Variants in GPM6A observed in about 807,000 individuals in gnomAD.
GPM6A encodes the protein glycoprotein M6A.
Under a neutral mutation model 32.1 loss-of-function variants are expected in GPM6A, and 7 were observed. The observed-to-expected ratio is 0.22, with a 90% CI of 0.12 to 0.41. GPM6A has a LOEUF of 0.41. GPM6A is among the 10% of genes least tolerant of loss of function. GPM6A has a pLI of 1.00. For synonymous variants in GPM6A, 130 were observed against 123.4 expected, an observed-to-expected ratio of 1.05 and a Z score of -0.35; for missense variants, 235 against 347.2, an observed-to-expected ratio of 0.68 and a Z score of 2.57.
chr4:175,825,868 C>T (rs145151060), intron 1 of GPM6A, among the ~76,000 whole-genome samples: 218 of 152,124 alleles, frequency 1.4e-3, no homozygotes, highest in African/African-American at 4.8e-3. Context: ...TGAAGAGATT[C>T]GCAAACTTTT....
intron 1 of GPM6A, among the ~76,000 whole-genome samples, chr4:175,802,742 C>T (rs1279899681): frequency 1.3e-5 from 2 of 151,998 alleles, no homozygotes; most frequent in Admixed American, 1.3e-4. Flanking sequence ...TAAATTTTAA[C>T]AGCGTATTAT....
intron 1 of GPM6A, among the ~76,000 whole-genome samples, chr4:175,947,872 A>G (rs775190602): frequency 6.6e-6 from 1 of 152,182 alleles, no homozygotes; most frequent in Non-Finnish European, 1.5e-5. Context: ...ATCATATTCT[A>G]GATTTTTTAG....
intron 3 of GPM6A, among the ~76,000 whole-genome samples, chr4:175,654,756 C>A (rs1182999644): frequency 1.3e-5 from 2 of 152,026 alleles, no homozygotes; most frequent in Admixed American, 6.6e-5. Context: ...TTTTTATTAA[C>A]ATTTTCATTA....
intron 1 of GPM6A, among the ~76,000 whole-genome samples, chr4:175,931,691 C>T (rs1488895544): frequency 6.8e-6 from 1 of 147,984 alleles, no homozygotes; most frequent in Non-Finnish European, 1.5e-5. Context: ...CACACACACA[C>T]ACACACACAC....
intron 1 of GPM6A, among the ~76,000 whole-genome samples, chr4:175,776,719 C>T (rs1733411410): frequency 6.6e-6 from 1 of 152,192 alleles, no homozygotes; most frequent in Admixed American, 6.5e-5. Context: ...TTCAATTTCA[C>T]ACTTACACAT....
At chr4:175,949,900 A>G (rs1739747347) in intron 1 of GPM6A, among the ~76,000 whole-genome samples, 1 of 152,220 alleles carries the variant, frequency 6.6e-6, no homozygotes, top group South Asian at 2.1e-4. Context: ...GAAAATAAAC[A>G]CTGTAGCCTT....
At chr4:175,901,721 A>G (rs2111492174) in intron 1 of GPM6A, among the ~76,000 whole-genome samples, 1 of 136,418 alleles carries the variant, frequency 7.3e-6, no homozygotes, top group East Asian at 2.1e-4. Context: ...CCGCCTCCTC[A>G]GTTCAAGCAA....
At chr4:175,677,939 A>G (rs1205776515) in intron 2 of GPM6A, among the ~76,000 whole-genome samples, 7 of 152,344 alleles carry the variant, frequency 4.6e-5, no homozygotes, top group Admixed American at 4.6e-4. Flanking sequence ...AGCCTAAGTC[A>G]GTCACATGAT....
At position 175,775,479 on chromosome 4, in the gene GPM6A, G is replaced by A. The variant is rs114280544; in HGVS notation, c.37+36712C>T. On this transcript the variant is annotated intron_variant, in intron 1 of 6. Coordinates refer to ENST00000393658, the MANE Select transcript of GPM6A (RefSeq NM_201591.3). The stretch of plus-strand genomic sequence containing the variant: ...ATTCAGAATTTCACTAAAAACCCTA[G>A]ATTTTTCCATTAACTCAAATGTTGT... Among the ~76,000 whole-genome samples the A allele has an allele frequency of 2.5e-3, 385 of 152,104 alleles. 2 individuals are homozygous for A. The highest frequency in any genetic ancestry group is 8.8e-3 in the African/African-American group (367 of 41,518).
At chr4:175,847,324 G>C (rs1212076440) in intron 1 of GPM6A, among the ~76,000 whole-genome samples, 1 of 152,100 alleles carries the variant, frequency 6.6e-6, no homozygotes, top group Admixed American at 6.6e-5. Flanking sequence ...CTGTGACCCA[G>C]GGTCAACCGC....
At chr4:175,757,425 C>T (rs1161871735) in intron 1 of GPM6A, among the ~76,000 whole-genome samples, 2 of 152,104 alleles carry the variant, frequency 1.3e-5, no homozygotes, top group Non-Finnish European at 2.9e-5. Flanking sequence ...CTCCCAAATT[C>T]CCGGCCCACA....
intron 1 of GPM6A, among the ~76,000 whole-genome samples, chr4:175,988,797 G>A (rs542778088): frequency 6.6e-6 from 1 of 152,310 alleles, no homozygotes; most frequent in Non-Finnish European, 1.5e-5. Flanking sequence ...CCAGCCAAGA[G>A]CCTAATTGGC....
At chr4:175,916,460 G>T (rs1020530706) in intron 1 of GPM6A, among the ~76,000 whole-genome samples, 1 of 152,034 alleles carries the variant, frequency 6.6e-6, no homozygotes, top group African/African-American at 2.4e-5. Flanking sequence ...TAGAATTTTG[G>T]TTTTTCTTTT....
intron 1 of GPM6A, among the ~76,000 whole-genome samples, chr4:175,829,597 A>C (rs910556634): frequency 2.7e-5 from 4 of 150,054 alleles, no homozygotes; most frequent in African/African-American, 9.7e-5. Context: ...TTGCATGTGG[A>C]CACTTCAATA....
chr4:175,826,171 AC>A (rs1192934174), intron 1 of GPM6A, among the ~76,000 whole-genome samples: 4 of 148,932 alleles, frequency 2.7e-5, no homozygotes, highest in African/African-American at 5.2e-5. Flanking sequence ...AAACAAACAA[AC>A]AAACAAAAAA....
intron 1 of GPM6A, among the ~76,000 whole-genome samples, chr4:175,829,339 G>C (rs879818159): frequency 1.3e-5 from 2 of 152,136 alleles, no homozygotes; most frequent in African/African-American, 4.8e-5. Context: ...CAAGTTGAAA[G>C]ATTATTTAGT....
chr4:175,765,140 G>T (rs1217588976), intron 1 of GPM6A, among the ~76,000 whole-genome samples: 2 of 152,084 alleles, frequency 1.3e-5, no homozygotes, highest in African/African-American at 4.8e-5. Context: ...CCCACAAAGT[G>T]TTGGGATTAC....
intron 1 of GPM6A, among the ~76,000 whole-genome samples, chr4:175,842,031 T>C (rs1280328714): frequency 3.3e-5 from 5 of 152,174 alleles, no homozygotes; most frequent in African/African-American, 1.2e-4. Context: ...TATTATTTAA[T>C]GATGTGAGAT....
intron 2 of GPM6A, among the ~76,000 whole-genome samples, chr4:175,675,675 G>A (rs1198186674): frequency 6.6e-6 from 1 of 151,844 alleles, no homozygotes; most frequent in Non-Finnish European, 1.5e-5. Context: ...TTCAAGACAT[G>A]GTCTCCCTCT....
Sources: gnomAD v4.1 joint callset for allele counts (sites outside exome capture counted in the v4.1 genomes callset) on GRCh38, gnomAD v4.1.1 for gene constraint, MANE v1.5 for transcripts, NCBI Gene and HGNC (gene_info 2026-07-23, HGNC 2026-07-21) for gene names.